The following SPIDR variants were observed in gnomAD, a reference collection of about 807,000 sequenced individuals.
The protein encoded by SPIDR is DNA repair-scaffolding protein.
Under a neutral mutation model 104.6 loss-of-function variants are expected in SPIDR, and 93 were observed. The ratio of observed to expected loss-of-function variants is 0.89; its 90% CI spans 0.75 to 1.06. The LOEUF is 1.06. Among genes scored for constraint, SPIDR ranks in the 50% least tolerant of loss-of-function variants. SPIDR has a pLI of 0.00. For synonymous variants in SPIDR, 431 were observed against 416.9 expected (o/e 1.03, Z -0.41); for missense variants, 1,154 against 1,111.2 (o/e 1.04, Z -0.55).
At chr8:47,641,886 G>A (rs1003965737) in intron 10 of SPIDR, among the ~76,000 whole-genome samples, 2 of 152,202 alleles carry the variant, frequency 1.3e-5, no homozygotes, top group Non-Finnish European at 2.9e-5. Flanking sequence ...GCCAGCAGCT[G>A]GGCAGAGGAA....
At chr8:47,320,084 A>T (rs1247141147) in intron 5 of SPIDR, among the ~76,000 whole-genome samples, 2 of 152,192 alleles carry the variant, frequency 1.3e-5, no homozygotes, top group African/African-American at 4.8e-5. Context: ...AGAAGGCAAG[A>T]AATAACTAAG....
rs920259583 is a variant in SPIDR at position 47,536,008 on chromosome 8, T to C, written c.1098-59803T>C. Among the ~76,000 whole-genome samples the C allele has an allele frequency of 1.4e-4, 22 of 152,234 alleles. 1 individual carries two copies. Among genetic ancestry groups the C allele is most frequent in the Admixed American group, 1.4e-3 (21 of 15,284 alleles). On this transcript the variant is annotated intron_variant, in intron 8 of 19. Transcript: ENST00000297423. ...TTAATATGTAATAGTCAGTTACTTATATACTAGCAATGAACAATTAGAGAA... is the reference window on the plus strand; with the variant it reads ...TTAATATGTAATAGTCAGTTACTTACATACTAGCAATGAACAATTAGAGAA...
intron 8 of SPIDR, among the ~76,000 whole-genome samples, chr8:47,510,123 G>T (rs1339561043): frequency 2.0e-5 from 3 of 152,212 alleles, no homozygotes; most frequent in Non-Finnish European, 4.4e-5. Context: ...TACTTGCAAT[G>T]TGGGGGTTTT....
intron 17 of SPIDR, among the ~76,000 whole-genome samples, chr8:47,727,821 T>A (rs2084508373): frequency 6.6e-6 from 1 of 152,154 alleles, no homozygotes; most frequent in Non-Finnish European, 1.5e-5. Flanking sequence ...CTTTTCTGCT[T>A]CTTAAAAAGC....
intron 16 of SPIDR, among the ~76,000 whole-genome samples, chr8:47,726,792 G>A (rs1031563550): frequency 6.6e-6 from 1 of 152,030 alleles, no homozygotes; most frequent in Non-Finnish European, 1.5e-5. Flanking sequence ...GGAGTGCAGT[G>A]GCATAATCAT....
At chr8:47,381,278 G>A (rs1272774628) in intron 5 of SPIDR, among the ~76,000 whole-genome samples, 1 of 152,162 alleles carries the variant, frequency 6.6e-6, no homozygotes, top group Non-Finnish European at 1.5e-5. Flanking sequence ...GAGTGGAAAC[G>A]CAGGCATATG....
intron 14 of SPIDR, among the ~76,000 whole-genome samples, chr8:47,702,570 C>T (rs117665249): frequency 6.6e-6 from 1 of 152,284 alleles, no homozygotes; most frequent in East Asian, 1.9e-4. Flanking sequence ...TGCTATCAAT[C>T]AACTAGGAGT....
chr8:47,462,852 A>G (rs1262802155), intron 8 of SPIDR, among the ~76,000 whole-genome samples: 2 of 152,160 alleles, frequency 1.3e-5, no homozygotes, highest in African/African-American at 4.8e-5. Context: ...AAACTGGTCA[A>G]ATTACTAGAA....
intron 5 of SPIDR, among the ~76,000 whole-genome samples, chr8:47,312,704 G>C (rs2044442655): frequency 6.6e-6 from 1 of 152,138 alleles, no homozygotes; most frequent in African/African-American, 2.4e-5. Context: ...TTCTTGTGCT[G>C]TGCAGAAGCT....
chr8:47,518,878 G>A (rs763542997), intron 8 of SPIDR, among the ~76,000 whole-genome samples: 1 of 152,010 alleles, frequency 6.6e-6, no homozygotes, highest in East Asian at 1.9e-4. Context: ...CTTGTGATCC[G>A]CCCGCCTTGG....
chr8:47,331,667 A>G (rs1435405003), intron 5 of SPIDR, among the ~76,000 whole-genome samples: 2 of 152,162 alleles, frequency 1.3e-5, no homozygotes, highest in Non-Finnish European at 2.9e-5. Flanking sequence ...AACATAGTAC[A>G]CTTAGACTAC....
intron 10 of SPIDR, among the ~76,000 whole-genome samples, chr8:47,604,524 A>G (rs2062705599): frequency 6.6e-6 from 1 of 152,222 alleles, no homozygotes; most frequent in Non-Finnish European, 1.5e-5. Context: ...GGAAGCAGCT[A>G]CTGCCGTAGT....
chr8:47,349,115 T>C (rs1395811982), intron 5 of SPIDR, among the ~76,000 whole-genome samples: 1 of 152,240 alleles, frequency 6.6e-6, no homozygotes, highest in Non-Finnish European at 1.5e-5. Flanking sequence ...TTGATGATGG[T>C]GACCTACAGA....
Position 47,674,598 on chromosome 8 carries a change from G to A in SPIDR, c.1685+657G>A, listed in dbSNP as rs190998058. ...CTTGTTACATCTCTTTCTTTAAATG[G>A]TTTGTTATTTTAGCTCTCTTGTTGA... is the stretch of plus-strand genomic sequence containing the variant. On this transcript the variant is annotated intron_variant, in intron 11 of 19. Transcript: ENST00000297423. 1.3e-4 allele frequency among the ~76,000 whole-genome samples: 20 copies of A among 152,188 alleles called. No individual in the cohort carries two copies. The East Asian group carries it at 3.9e-3, about 29-fold the overall frequency.
At chr8:47,734,252 A>G (rs1362645043) in intron 19 of SPIDR, among the ~76,000 whole-genome samples, 1 of 152,020 alleles carries the variant, frequency 6.6e-6, no homozygotes, top group African/African-American at 2.4e-5. Flanking sequence ...GCCAGCTGGA[A>G]GCTGGGCACC....
At chr8:47,410,401 G>A (rs1470323234) in intron 7 of SPIDR, among the ~76,000 whole-genome samples, 1 of 151,778 alleles carries the variant, frequency 6.6e-6, no homozygotes, top group African/African-American at 2.4e-5. Flanking sequence ...AGCTGATCTC[G>A]AACTCCTGAC....
At chr8:47,485,242 G>C (rs1421786655) in intron 8 of SPIDR, among the ~76,000 whole-genome samples, 1 of 152,126 alleles carries the variant, frequency 6.6e-6, no homozygotes, top group Admixed American at 6.6e-5. Context: ...ACGGAGCCTC[G>C]CTCATTGCTA....
In SPIDR at chr8:47,302,489, G is replaced by T. The variant is rs1324005232; in HGVS notation, c.525+8459G>T. Among the ~76,000 whole-genome samples the T allele has an allele frequency of 2.8e-3, 422 of 152,282 alleles. 1 individual carries two copies. Among genetic ancestry groups the T allele is most frequent in the African/African-American group, 9.9e-3 (412 of 41,556 alleles). On this transcript the variant is annotated intron_variant, in intron 5 of 19. Transcript: ENST00000297423. ...CCAGCTTTGTTCCGTTGCTGGTGAG[G>T]AGCTGTGTTCCTTTGGAGGAGGAGA...
At chr8:47,681,507 CTT>C (rs1279295276) in intron 11 of SPIDR, among the ~76,000 whole-genome samples, 2 of 152,032 alleles carry the variant, frequency 1.3e-5, no homozygotes, top group African/African-American at 4.8e-5. Flanking sequence ...TTCTGAGTGT[CTT>C]TATTGTTACT....
Sources: allele counts gnomAD v4.1 joint callset (sites outside exome capture counted in the v4.1 genomes callset), GRCh38; gene constraint gnomAD v4.1.1; transcripts MANE v1.5; gene names NCBI Gene and HGNC (gene_info 2026-07-23, HGNC 2026-07-21).